LRRFIP2: variants seen among roughly 807,000 people sequenced by gnomAD.
LRRFIP2 encodes the protein leucine-rich repeat flightless-interacting protein 2.
A neutral mutation model predicts 125.9 loss-of-function variants in LRRFIP2; 109 were observed. The observed-to-expected ratio is 0.87, with a 90% CI of 0.74 to 1.01. The LOEUF (loss-of-function observed/expected upper bound fraction) is 1.01, where lower values mean the gene tolerates loss of function less well. LRRFIP2 is among the 50% of genes least tolerant of loss of function. The pLI is 0.00. For synonymous variants in LRRFIP2, 291 were observed against 293.1 expected (o/e 0.99, Z 0.07); for missense variants, 850 against 862.3 (o/e 0.99, Z 0.18).
At chr3:37,091,595 C>A in intron 17 of LRRFIP2, 57 bp from the exon 18 acceptor site, 3 of 1,220,798 alleles carry the variant, frequency 2.5e-6, no homozygotes, top group Non-Finnish European at 3.5e-6. Context: ...TATCTTAAAT[C>A]GCAAAGGATT....
intron 2 of LRRFIP2, among the ~76,000 whole-genome samples, chr3:37,146,996 A>C (rs1277409973): frequency 1.3e-5 from 2 of 152,158 alleles, no homozygotes; most frequent in East Asian, 3.8e-4. Flanking sequence ...CAGAATCTAC[A>C]AGGAACTTAA....
At chr3:37,106,775 T>G (rs1559870905) in intron 13 of LRRFIP2, among the ~76,000 whole-genome samples, 1 of 152,206 alleles carries the variant, frequency 6.6e-6, no homozygotes, top group Non-Finnish European at 1.5e-5. Flanking sequence ...ACAAGTTTCA[T>G]GATTCACAAT....
chr3:37,085,808 T>G (rs967079466), intron 18 of LRRFIP2, among the ~76,000 whole-genome samples: 5 of 151,996 alleles, frequency 3.3e-5, no homozygotes, highest in African/African-American at 9.7e-5. Flanking sequence ...GGTCTCGAAC[T>G]CCTGACCTCA....
intron 8 of LRRFIP2, among the ~76,000 whole-genome samples, chr3:37,112,616 A>C (rs866242217): frequency 2.0e-5 from 3 of 152,296 alleles, no homozygotes; most frequent in African/African-American, 7.2e-5. Flanking sequence ...AATTCCTAAA[A>C]TAAGGATGAG....
rs578172611 is a variant in LRRFIP2 at position 37,134,803 on chromosome 3, T to C, written c.91-5654A>G. 5.4e-4 allele frequency: 461 copies of C among 851,638 alleles called. 1 individual carries two copies. The highest frequency in any genetic ancestry group is 8.6e-4 in the Non-Finnish European group (423 of 493,080). 52.8% of individuals were successfully genotyped at this position (851,638 alleles called of 1,614,324 possible). On this transcript the variant is annotated intron_variant, in intron 2 of 27. Transcript: ENST00000336686. Reference sequence around the variant, plus strand: ...AATGACAGCCCATATCAAAGCGGTGTATTCTTTTTGGCAATTCATTTTCCT... The same window carrying C: ...AATGACAGCCCATATCAAAGCGGTGCATTCTTTTTGGCAATTCATTTTCCT...
At chr3:37,072,111 C>T (rs1370350682) in intron 21 of LRRFIP2, among the ~76,000 whole-genome samples, 1 of 152,076 alleles carries the variant, frequency 6.6e-6, no homozygotes, top group Non-Finnish European at 1.5e-5. Flanking sequence ...ACTTTCTCCC[C>T]ACCACTACCC....
chr3:37,142,095 C>T (rs2095716823), intron 2 of LRRFIP2, among the ~76,000 whole-genome samples: 1 of 151,438 alleles, frequency 6.6e-6, no homozygotes, highest in Admixed American at 6.6e-5. Context: ...TAATGCCTTT[C>T]ATAGTTTCTT....
chr3:37,128,199 A>G (rs2095336292), intron 3 of LRRFIP2, among the ~76,000 whole-genome samples: 1 of 152,232 alleles, frequency 6.6e-6, no homozygotes, highest in Non-Finnish European at 1.5e-5. Context: ...TTGAGCTGTG[A>G]CAATATAAAA....
chr3:37,055,777 T>A (rs1298850062), intron 25 of LRRFIP2, among the ~76,000 whole-genome samples: 4 of 152,174 alleles, frequency 2.6e-5, no homozygotes, highest in Non-Finnish European at 5.9e-5. Context: ...CAGCAGCCCC[T>A]ACCAACCCTG....
chr3:37,113,075 T>C (rs1328805935), intron 7 of LRRFIP2, 95 bp from the exon 8 acceptor site: 11 of 662,098 alleles, frequency 1.7e-5, no homozygotes, highest in Non-Finnish European at 2.7e-5. Context: ...CAAAGGTCTA[T>C]ATGAGATACA....
Position 37,109,652 on chromosome 3 carries a change from C to A in LRRFIP2, c.564+1G>T, listed in dbSNP as rs1016353020. On this transcript the variant is annotated splice_donor_variant, in intron 10 of 27. Transcript: ENST00000336686. LOFTEE classifies it high-confidence loss of function. The stretch of plus-strand genomic sequence containing the variant: ...CAGAACATTCCTCAGAAAGTACTAA[C>A]CCTGTCACTCTTATATGTTGCCAGA... 5 of 1,613,934 alleles carry A rather than the reference C, an allele frequency of 3.1e-6. No homozygotes were observed. Among genetic ancestry groups the A allele is most frequent in the Middle Eastern group, 1.6e-4 (1 of 6,082 alleles).
At chr3:37,102,122 T>C (rs2094093017) in intron 15 of LRRFIP2, among the ~76,000 whole-genome samples, 1 of 152,244 alleles carries the variant, frequency 6.6e-6, no homozygotes, top group South Asian at 2.1e-4. Context: ...GAAAATACTT[T>C]TTTTAACCAA....
chr3:37,058,727 C>A, intron 25 of LRRFIP2, 63 bp downstream of exon 25: 2 of 1,550,690 alleles, frequency 1.3e-6, no homozygotes, highest in Non-Finnish European at 8.7e-7. Context: ...AACCTGCTGA[C>A]AAACCCACCC....
At position 37,148,778 on chromosome 3, in the gene LRRFIP2, C is replaced by T. The variant is rs138595753; in HGVS notation, c.90+116G>A. ...TTTAGAGACTAGCTATAACATCTTG[C>T]TCATAATAAACATCTGAAACTAGTT... On this transcript the variant is annotated intron_variant, in intron 2 of 27. Coordinates refer to ENST00000336686, the MANE Select transcript of LRRFIP2 (RefSeq NM_006309.4). The T allele has an allele frequency of 6.0e-3, 6,325 of 1,061,304 alleles. 26 individuals carry two copies. The highest frequency in any genetic ancestry group is 7.4e-3 in the Non-Finnish European group (5,384 of 728,506). 65.7% of individuals were successfully genotyped at this position (1,061,304 alleles called of 1,614,324 possible). A position where few individuals can be genotyped will look rare whatever the true frequency, so the allele number is the denominator to read the frequency against.
intron 21 of LRRFIP2, among the ~76,000 whole-genome samples, chr3:37,071,709 C>A (rs773951023): frequency 6.6e-6 from 1 of 152,178 alleles, no homozygotes; most frequent in Non-Finnish European, 1.5e-5. Context: ...ATTCCCTACT[C>A]CCCCTAACCT....
intron 20 of LRRFIP2, 49 bp downstream of exon 20, chr3:37,074,975 C>G (rs763223824): frequency 8.0e-7 from 1 of 1,254,252 alleles, no homozygotes; most frequent in African/African-American, 1.5e-5. Context: ...TCATCCCATT[C>G]AACTCATTTT....
chr3:37,109,659 A>T lies in LRRFIP2; in HGVS notation c.558T>A (p.Ser186Arg). The change falls in exon 10 of 28, where the codon AGT becomes AGA. Residue 186 changes from serine (S) to arginine (R), a missense_variant. Transcript: ENST00000336686. ...TTCCTCAGAAAGTACTAACCCTGTC[A>T]CTCTTATATGTTGCCAGAGGGTCAC... is the stretch of plus-strand genomic sequence containing the variant. ...LYSDPLATYK[S>R]DRASPTANSG... The T allele has an allele frequency of 6.2e-7, 1 of 1,614,038 alleles. No individual in the cohort carries two copies. Among genetic ancestry groups the T allele is most frequent in the Non-Finnish European group, 8.5e-7 (1 of 1,179,940 alleles).
At chr3:37,154,588 G>A (rs918244157) in intron 1 of LRRFIP2, 1 of 152,152 alleles carries the variant, frequency 6.6e-6, no homozygotes, top group Non-Finnish European at 1.5e-5. Flanking sequence ...TCCCCAGATG[G>A]TTTTGTCATG....
intron 4 of LRRFIP2, among the ~76,000 whole-genome samples, chr3:37,126,950 C>CT (rs921630572): frequency 9.2e-5 from 14 of 151,934 alleles, no homozygotes; most frequent in Non-Finnish European, 7.4e-5. Context: ...TTACAGACTA[C>CT]TTTGAGAATC....
Sources: allele counts gnomAD v4.1 joint callset (sites outside exome capture counted in the v4.1 genomes callset), GRCh38; gene constraint gnomAD v4.1.1; transcripts MANE v1.5; gene names NCBI Gene and HGNC (gene_info 2026-07-23, HGNC 2026-07-21).